Variants in MAP2K5 observed in about 807,000 individuals in gnomAD.
The protein encoded by MAP2K5 is dual specificity mitogen-activated protein kinase kinase 5.
In MAP2K5, 49 loss-of-function variants were observed where a neutral mutation model predicts 83.1. The ratio of observed to expected loss-of-function variants is 0.59; its 90% CI spans 0.47 to 0.75. The LOEUF (loss-of-function observed/expected upper bound fraction) is 0.75, where lower values mean the gene tolerates loss of function less well. Among genes scored for constraint, MAP2K5 ranks in the 30% least tolerant of loss-of-function variants. MAP2K5 has a pLI of 0.00. For synonymous variants in MAP2K5, 202 were observed against 191.8 expected, an observed-to-expected ratio of 1.05 and a Z score of -0.44; for missense variants, 457 against 557.5, an observed-to-expected ratio of 0.82 and a Z score of 1.82.
At position 67,770,688 on chromosome 15, in the gene MAP2K5, C is replaced by T. The variant is rs1421586238; in HGVS notation, c.1196+1025C>T. Among the ~76,000 whole-genome samples, 1 of 152,112 alleles carries T rather than the reference C, an allele frequency of 6.6e-6. No individual in the cohort carries two copies. Among genetic ancestry groups the T allele is most frequent in the African/African-American group, 2.4e-5 (1 of 41,418 alleles). ...TCTTGCTAACCAAAATCGTTGTGTG[C>T]CATCCCCTTCCCCTCCCACTATGAT... On this transcript the variant is annotated intron_variant, in intron 20 of 21. Transcript: ENST00000178640. This position sits in a 1 kb window ranked among gnomAD's most constrained non-coding sequence, Gnocchi z 5.0.
chr15:67,652,891 C>T lies in MAP2K5; in HGVS notation c.737-5662C>T, dbSNP rs2086986017. 6.6e-6 allele frequency among the ~76,000 whole-genome samples: 1 copy of T among 152,138 alleles called. No homozygotes were observed. Among genetic ancestry groups the T allele is most frequent in the African/African-American group, 2.4e-5 (1 of 41,418 alleles). On this transcript the variant is annotated intron_variant, in intron 11 of 21. Transcript: ENST00000178640. The surrounding 1 kb of genome is among the most constrained non-coding windows in gnomAD (Gnocchi z 4.2). ...ATAATTGGAATCACACAGTATTTGT[C>T]TTATTGTGTCTGGCTTATTTCATTT...
chr15:67,696,559 G>C (rs1011981580), intron 15 of MAP2K5, among the ~76,000 whole-genome samples: 4 of 152,214 alleles, frequency 2.6e-5, no homozygotes, highest in Non-Finnish European at 1.5e-5. Flanking sequence ...CTTCTATGCT[G>C]TTAGGTACAG....
chr15:67,734,626 A>T (rs1405539451), intron 17 of MAP2K5, among the ~76,000 whole-genome samples: 1 of 152,144 alleles, frequency 6.6e-6, no homozygotes, highest in Non-Finnish European at 1.5e-5. Context: ...GATGTCTTAT[A>T]TTCTATGTTA....
Position 67,749,435 on chromosome 15 carries a change from G to A in MAP2K5, c.1134+834G>A, listed in dbSNP as rs1438812783. 2.0e-5 allele frequency among the ~76,000 whole-genome samples: 3 copies of A among 152,120 alleles called. No homozygotes were observed. Among genetic ancestry groups the A allele is most frequent in the Admixed American group, 6.6e-5 (1 of 15,266 alleles). On this transcript the variant is annotated intron_variant, in intron 19 of 21. Transcript: ENST00000178640. This position sits in a 1 kb window ranked among gnomAD's most constrained non-coding sequence, Gnocchi z 4.6. ...TAATTTTATAATATTTAAAACAGTT[G>A]TAATTAGAGAGGGAAGGCAGTAAAT...
chr15:67,684,147 C>T (rs1184135628), intron 13 of MAP2K5, among the ~76,000 whole-genome samples: 1 of 152,212 alleles, frequency 6.6e-6, no homozygotes, highest in African/African-American at 2.4e-5. Flanking sequence ...GGCCTAACAT[C>T]AGCCTCTGCA....
intron 15 of MAP2K5, among the ~76,000 whole-genome samples, chr15:67,701,888 C>T (rs1176576507): frequency 6.6e-6 from 1 of 152,194 alleles, no homozygotes; most frequent in Admixed American, 6.5e-5. Flanking sequence ...CTGGAAAGAA[C>T]TCTAATTTTG....
Position 67,600,545 on chromosome 15 carries a change from C to T in MAP2K5, c.481-140C>T, listed in dbSNP as rs189957641. On this transcript the variant is annotated intron_variant, in intron 7 of 21. Transcript: ENST00000178640. ...CGTCTTTTATAAATTGGACAGCAAA[C>T]GTTGTATTGATCTTCTCGTTTTTGC... 99 of 647,642 alleles carry T rather than the reference C, an allele frequency of 1.5e-4. No homozygotes were observed. The African/African-American group carries it at 1.7e-3, about 11-fold the overall frequency. 40.1% of individuals were successfully genotyped at this position (647,642 alleles called of 1,614,324 possible).
At chr15:67,549,890 A>C in intron 1 of MAP2K5, 144 bp from the exon 2 acceptor site, 1 of 626,840 alleles carries the variant, frequency 1.6e-6, no homozygotes, top group Non-Finnish European at 2.9e-6. Context: ...TGCTGGGCTA[A>C]GTGTGATTAT....
chr15:67,787,819 G>C (rs2090445337), intron 21 of MAP2K5, among the ~76,000 whole-genome samples: 1 of 152,144 alleles, frequency 6.6e-6, no homozygotes, highest in Non-Finnish European at 1.5e-5. Context: ...CCTAACTGTA[G>C]GCTTTAACTG....
chr15:67,557,085 A>G (rs2140955923), intron 2 of MAP2K5, among the ~76,000 whole-genome samples: 1 of 152,334 alleles, frequency 6.6e-6, no homozygotes, highest in South Asian at 2.1e-4. Flanking sequence ...TGACATTCAT[A>G]TAGGCCCAGA....
rs1441241128 is a variant in MAP2K5, at chr15:67,638,193, A to G, written c.585+7266A>G. On this transcript the variant is annotated intron_variant, in intron 9 of 21. Transcript: ENST00000178640. This position sits in a 1 kb window ranked among gnomAD's most constrained non-coding sequence, Gnocchi z 4.5. ...CCAGGTATTAAGCCTAGTACCTATTAGTTATTTTTCCTGATCATCTCCCCA... is the reference window on the plus strand; with the variant it reads ...CCAGGTATTAAGCCTAGTACCTATTGGTTATTTTTCCTGATCATCTCCCCA... Among the ~76,000 whole-genome samples the G allele has an allele frequency of 1.3e-5, 2 of 152,104 alleles. 1 individual carries two copies. The highest frequency in any genetic ancestry group is 2.9e-5 in the Non-Finnish European group (2 of 67,998).
At chr15:67,612,512 C>CACTCAAAT (rs1321058506) in intron 8 of MAP2K5, among the ~76,000 whole-genome samples, 8 of 152,290 alleles carry the variant, frequency 5.3e-5, no homozygotes, top group African/African-American at 1.9e-4. Flanking sequence ...GCAGTGAAGT[C>CACTCAAAT]ACTCAAATTC....
Position 67,781,474 on chromosome 15 carries a change from T to G in MAP2K5, c.1242+8722T>G, listed in dbSNP as rs1263999448. ...AGATAATTTGAGGTTCACTTGGCCA[T>G]TTAGAGACTGCAGAAAGGCAGTAGA... is the stretch of plus-strand genomic sequence containing the variant. On this transcript the variant is annotated intron_variant, in intron 21 of 21. Coordinates refer to ENST00000178640, the MANE Select transcript of MAP2K5 (RefSeq NM_145160.3). This position sits in a 1 kb window ranked among gnomAD's most constrained non-coding sequence, Gnocchi z 4.0. Among the ~76,000 whole-genome samples, 1 of 152,188 alleles carries G rather than the reference T, an allele frequency of 6.6e-6. No individual in the cohort carries two copies. Among genetic ancestry groups the G allele is most frequent in the African/African-American group, 2.4e-5 (1 of 41,434 alleles).
chr15:67,640,514 C>T lies in MAP2K5; in HGVS notation c.586-5717C>T. 3 of 912,722 alleles carry T rather than the reference C, an allele frequency of 3.3e-6. No homozygotes were observed. Among genetic ancestry groups the T allele is most frequent in the Non-Finnish European group, 3.9e-6 (3 of 763,570 alleles). 56.5% of individuals were successfully genotyped at this position (912,722 alleles called of 1,614,324 possible). A position where few individuals can be genotyped will look rare whatever the true frequency, so the allele number is the denominator to read the frequency against. On this transcript the variant is annotated intron_variant, in intron 9 of 21. Transcript: ENST00000178640. The surrounding 1 kb of genome is among the most constrained non-coding windows in gnomAD (Gnocchi z 4.6). ...TGTGAAACGGGGCTGCCTGATGTCA[C>T]AGAGGATTGTGAAGAGCAGCAAATC...
Position 67,736,852 on chromosome 15 carries a change from C to G in MAP2K5, c.1074+8907C>G, listed in dbSNP as rs2089351816. ...TAGGCCTTCCACTTCTCTCCCTTTGCTTTTATTGATGCAGTCTGCTACTTT... is the reference window on the plus strand; with the variant it reads ...TAGGCCTTCCACTTCTCTCCCTTTGGTTTTATTGATGCAGTCTGCTACTTT... On this transcript the variant is annotated intron_variant, in intron 17 of 21. Transcript: ENST00000178640. The surrounding 1 kb of genome is among the most constrained non-coding windows in gnomAD (Gnocchi z 4.3). Among the ~76,000 whole-genome samples the G allele has an allele frequency of 6.6e-6, 1 of 152,192 alleles. No homozygotes were observed.
chr15:67,575,912 CTTTCTTTTT>C (rs2085048806), intron 3 of MAP2K5, among the ~76,000 whole-genome samples: 1 of 10,524 alleles, frequency 9.5e-5, no homozygotes, highest in South Asian at 8.6e-3. Flanking sequence ...TTCTTTCTTT[CTTTCTTTTT>C]TTTTTTTTTT....
rs796555648 is a variant in MAP2K5 at position 67,738,852 on chromosome 15, T to C, written c.1075-9379T>C. 2.0e-5 allele frequency among the ~76,000 whole-genome samples: 3 copies of C among 152,334 alleles called. No homozygotes were observed. Among genetic ancestry groups the C allele is most frequent in the African/African-American group, 7.2e-5 (3 of 41,584 alleles). On this transcript the variant is annotated intron_variant, in intron 17 of 21. Transcript: ENST00000178640. The surrounding 1 kb of genome is among the most constrained non-coding windows in gnomAD (Gnocchi z 4.1). ...TCTGCTTTCACCTTAGATGAGCAGC[T>C]TCCTCCTCCTGTCCACACCTTCAGC...
At position 67,580,736 on chromosome 15, in the gene MAP2K5, T is replaced by C. The variant is rs1291348718; in HGVS notation, c.253-18T>C. 1.1e-5 allele frequency: 17 copies of C among 1,500,764 alleles called. No individual in the cohort carries two copies. Among genetic ancestry groups the C allele is most frequent in the Non-Finnish European group, 1.5e-5 (16 of 1,078,830 alleles). The allele number at this position is 1,500,764 out of a possible 1,614,324, so 93.0% of individuals were successfully genotyped here. A position where few individuals can be genotyped will look rare whatever the true frequency, so the allele number is the denominator to read the frequency against. On this transcript the variant is annotated intron_variant, in intron 3 of 21. Transcript: ENST00000178640. ...TTCATACATTACTGAGTGATCTCTT[T>C]CTATAATCTCTTTGCAGTATTATTC...
chr15:67,802,518 C>T lies in MAP2K5; in HGVS notation c.1243-4128C>T, dbSNP rs565801617. 2.6e-5 allele frequency among the ~76,000 whole-genome samples: 4 copies of T among 152,186 alleles called. No individual in the cohort carries two copies. Among genetic ancestry groups the T allele is most frequent in the Non-Finnish European group, 5.9e-5 (4 of 68,032 alleles). On this transcript the variant is annotated intron_variant, in intron 21 of 21. Coordinates refer to ENST00000178640, the MANE Select transcript of MAP2K5 (RefSeq NM_145160.3). The surrounding 1 kb of genome is among the most constrained non-coding windows in gnomAD (Gnocchi z 5.0). Reference sequence around the variant, plus strand: ...TGTGGACTATAATAACTTCAACCCTCGTCAGTTTAATTGTTGCAATTGGCC... The same window carrying T: ...TGTGGACTATAATAACTTCAACCCTTGTCAGTTTAATTGTTGCAATTGGCC...
Sources: allele counts gnomAD v4.1 joint callset (sites outside exome capture counted in the v4.1 genomes callset), GRCh38; gene constraint gnomAD v4.1.1; non-coding constraint Gnocchi (gnomAD v3.1); transcripts MANE v1.5; gene names NCBI Gene and HGNC (gene_info 2026-07-23, HGNC 2026-07-21).